The following DLG5 variants were observed in gnomAD, a reference collection of about 807,000 sequenced individuals.
DLG5 encodes the protein disks large homolog 5.
A neutral mutation model predicts 189.8 loss-of-function variants in DLG5; 48 were observed. The ratio of observed to expected loss-of-function variants is 0.25; its 90% confidence interval spans 0.20 to 0.32. DLG5 has a LOEUF of 0.32. Ranked by LOEUF, DLG5 falls within the 10% of genes least tolerant of loss-of-function variation. The pLI is 1.00. For missense variants in DLG5, 2,160 were observed against 2,544.7 expected (o/e 0.85, Z 3.25); for synonymous variants, 1,016 against 1,054.1 (o/e 0.96, Z 0.70).
intron 1 of DLG5, among the ~76,000 whole-genome samples, chr10:77,886,689 C>T (rs1298078881): frequency 6.6e-6 from 1 of 152,162 alleles, no homozygotes; most frequent in Admixed American, 6.5e-5. Flanking sequence ...AGTGTATTCC[C>T]CCAAAATCCA....
At position 77,807,877 on chromosome 10, in the gene DLG5, T is replaced by A; in HGVS notation, c.4715A>T (p.Asp1572Val). The change falls in exon 25 of 32, where the codon GAT (aspartate) becomes GTT (valine). Residue 1572 changes from aspartate to valine, a missense_variant. Physicochemically the swap from Asp to Val is radical, Grantham distance 152. Around this residue, in one of 5 missense-constraint regions of DLG5, gnomAD observed 574 missense variants for 644.2 expected, o/e 0.89. Transcript: ENST00000372391. Reference sequence around the variant, plus strand: ...GTACTGCACCTTCAGGCGGACGCCATCCCTGGGCTTCAGCATCTCCACATA... The same window carrying A: ...GTACTGCACCTTCAGGCGGACGCCAACCCTGGGCTTCAGCATCTCCACATA... ...EVYVEMLKPRDGVRLKVQYRP... is the reference protein window; with the variant it reads ...EVYVEMLKPRVGVRLKVQYRP... 6.2e-7 allele frequency: 1 copy of A among 1,614,200 alleles called. No homozygotes were observed. Among genetic ancestry groups the A allele is most frequent in the Non-Finnish European group, 8.5e-7 (1 of 1,180,030 alleles).
chr10:77,836,169 G>T (rs1018368946), intron 7 of DLG5, among the ~76,000 whole-genome samples: 2 of 152,028 alleles, frequency 1.3e-5, no homozygotes, highest in African/African-American at 4.8e-5. Context: ...TATTTTTAAA[G>T]ACAAAAATAC....
At chr10:77,802,813 T>A (rs1277582276) in intron 27 of DLG5, among the ~76,000 whole-genome samples, 1 of 152,012 alleles carries the variant, frequency 6.6e-6, no homozygotes, top group East Asian at 1.9e-4. Context: ...GGCAGGAAAA[T>A]CGCTTGAACC....
chr10:77,800,786 A>G (rs1210398662), intron 27 of DLG5, among the ~76,000 whole-genome samples: 4 of 152,260 alleles, frequency 2.6e-5, no homozygotes, highest in Non-Finnish European at 5.9e-5. Context: ...TCACTAAGAC[A>G]CTGAGCAGTG....
chr10:77,855,125 A>G (rs1222054235), intron 3 of DLG5, among the ~76,000 whole-genome samples: 1 of 152,266 alleles, frequency 6.6e-6, no homozygotes, highest in African/African-American at 2.4e-5. Flanking sequence ...TTACATTAGC[A>G]TATCTGAGGA....
intron 29 of DLG5, among the ~76,000 whole-genome samples, chr10:77,795,466 G>A (rs1840863264): frequency 6.6e-6 from 1 of 152,110 alleles, no homozygotes; most frequent in Non-Finnish European, 1.5e-5. Context: ...GCAGTGAGAA[G>A]CCAACACCTT....
intron 7 of DLG5, among the ~76,000 whole-genome samples, chr10:77,837,694 G>C (rs960533432): frequency 2.0e-5 from 3 of 152,248 alleles, no homozygotes; most frequent in African/African-American, 7.2e-5. Flanking sequence ...GCAGGATCTA[G>C]AAGTGACTCG....
chr10:77,832,555 T>G lies in DLG5; in HGVS notation c.1748+1359A>C, dbSNP rs550684274. Among the ~76,000 whole-genome samples the G allele has an allele frequency of 8.5e-5, 13 of 152,328 alleles. No individual in the cohort carries two copies. The South Asian group carries it at 2.7e-3, about 32-fold the overall frequency. On this transcript the variant is annotated intron_variant, in intron 9 of 31. Coordinates refer to ENST00000372391, the MANE Select transcript of DLG5 (RefSeq NM_004747.4). ...AGGCCAGTGCAGCTGAGCTCAGCATTCATTGCTCACTATACCTGTCTCATC... is the reference window on the plus strand; with the variant it reads ...AGGCCAGTGCAGCTGAGCTCAGCATGCATTGCTCACTATACCTGTCTCATC...
the DLG5 span, among the ~76,000 whole-genome samples, chr10:77,937,236 C>T: frequency 6.6e-6 from 1 of 152,156 alleles, no homozygotes; most frequent in South Asian, 2.1e-4. Flanking sequence ...GCCCCTTCTC[C>T]CCCAGGGCCC....
At chr10:77,885,084 C>A (rs562580111) in intron 1 of DLG5, among the ~76,000 whole-genome samples, 1 of 152,288 alleles carries the variant, frequency 6.6e-6, no homozygotes, top group South Asian at 2.1e-4. Context: ...CCTATCCCCC[C>A]ACAAATAAAG....
chr10:77,801,490 C>T (rs1336487765), intron 27 of DLG5, among the ~76,000 whole-genome samples: 1 of 151,982 alleles, frequency 6.6e-6, no homozygotes, highest in African/African-American at 2.4e-5. Flanking sequence ...GAACAAAAAC[C>T]CCGAGGAGAG....
chr10:77,912,223 AAAG>A (rs1441266896), intron 1 of DLG5: 3 of 128,286 alleles, frequency 2.3e-5, no homozygotes, highest in African/African-American at 5.4e-5. Flanking sequence ...AAAAAAAAAA[AAAG>A]GTTAATTTTT....
rs538307949 is a variant in DLG5 at position 77,822,325 on chromosome 10, A to G, written c.2383-224T>C. On this transcript the variant is annotated intron_variant, in intron 14 of 31. Coordinates refer to ENST00000372391, the MANE Select transcript of DLG5 (RefSeq NM_004747.4). ...GTCACTCTGAACTCAAAGAAGAGTC[A>G]AAGTTTTCTTAACTTTGAACACTTT... Among the ~76,000 whole-genome samples the G allele has an allele frequency of 3.3e-5, 5 of 152,354 alleles. No individual in the cohort carries two copies. In the East Asian group the frequency reaches 9.6e-4, roughly 29 times the overall value.
chr10:77,930,392 G>C (rs1004704221), upstream of DLG5, among the ~76,000 whole-genome samples: 2 of 151,914 alleles, frequency 1.3e-5, no homozygotes, highest in East Asian at 1.9e-4. Context: ...CTGTCACCCA[G>C]GCTGGAGTGC....
intron 1 of DLG5, among the ~76,000 whole-genome samples, chr10:77,901,523 G>A (rs1845926337): frequency 6.6e-6 from 1 of 152,208 alleles, no homozygotes; most frequent in Admixed American, 6.5e-5. Context: ...GGCCCTCTGA[G>A]GAAAGACTGC....
At chr10:77,825,055 A>G (rs1035933307) in intron 13 of DLG5, among the ~76,000 whole-genome samples, 1 of 152,214 alleles carries the variant, frequency 6.6e-6, no homozygotes, top group African/African-American at 2.4e-5. Flanking sequence ...CCCACATTGC[A>G]GAACACTGCT....
chr10:77,923,103 G>C (rs1022318390), intron 1 of DLG5, among the ~76,000 whole-genome samples: 18 of 152,350 alleles, frequency 1.2e-4, no homozygotes, highest in African/African-American at 4.3e-4. Context: ...GAAGCTCCTA[G>C]GTGGGTGATG....
intron 20 of DLG5, among the ~76,000 whole-genome samples, chr10:77,815,133 G>T (rs1841987322): frequency 6.6e-6 from 1 of 152,174 alleles, no homozygotes. Flanking sequence ...CACAACTGAA[G>T]AACCCACTTC....
chr10:77,834,097 G>C, intron 8 of DLG5, 58 bp from the exon 9 acceptor site: 3 of 1,568,598 alleles, frequency 1.9e-6, no homozygotes, highest in South Asian at 2.3e-5. Flanking sequence ...GGGGGTTCCT[G>C]GTCTGCAGCG....
Sources: allele counts gnomAD v4.1 joint callset (sites outside exome capture counted in the v4.1 genomes callset), GRCh38; gene constraint gnomAD v4.1.1; regional missense constraint gnomAD v4.1.1; transcripts MANE v1.5; gene names NCBI Gene and HGNC (gene_info 2026-07-23, HGNC 2026-07-21).